Variants in AIG1 observed in about 807,000 individuals in gnomAD.
AIG1 encodes androgen induced 1, also known as androgen-induced gene 1 protein.
A neutral mutation model predicts 31.4 loss-of-function variants in AIG1; 23 were observed. The ratio of observed to expected loss-of-function variants is 0.73; its 90% confidence interval spans 0.53 to 1.04. The LOEUF is 1.04. Ranked by LOEUF, AIG1 falls within the 50% of genes least tolerant of loss-of-function variation. The probability of loss-of-function intolerance (pLI) is 0.00; values close to 1 mark genes in which losing one functional copy is unlikely to be tolerated. For synonymous variants in AIG1, 100 were observed against 110.5 expected, an observed-to-expected ratio of 0.90 and a Z score of 0.60; for missense variants, 274 against 295.0, an observed-to-expected ratio of 0.93 and a Z score of 0.52.
chr6:143,128,451 A>G (rs1782891013), intron 1 of AIG1, among the ~76,000 whole-genome samples: 1 of 152,132 alleles, frequency 6.6e-6, no homozygotes, highest in Admixed American at 6.5e-5. Context: ...TCTTGGAGAG[A>G]CATGATACAT....
chr6:143,115,649 T>C (rs1781671391), intron 1 of AIG1, among the ~76,000 whole-genome samples: 1 of 152,224 alleles, frequency 6.6e-6, no homozygotes, highest in Admixed American at 6.5e-5. Flanking sequence ...ATCATACGTA[T>C]ACTATAGGAC....
At position 143,335,028 on chromosome 6, in the gene AIG1, C is replaced by CT. The variant is rs774416947; in HGVS notation, c.679+1590dup. 12 of 1,355,772 alleles carry CT rather than the reference C, an allele frequency of 8.9e-6. No homozygotes were observed. In the South Asian group the frequency reaches 1.5e-4, roughly 16 times the overall value. 84.0% of individuals were successfully genotyped at this position (1,355,772 alleles called of 1,614,324 possible). A position where few individuals can be genotyped will look rare whatever the true frequency, so the allele number is the denominator to read the frequency against. Reference sequence around the variant, plus strand: ...TTTTAAGTAACATAAGATTGACTAACTTTTTTTAAAAATTCATTTTAGATA... The same window carrying CT: ...TTTTAAGTAACATAAGATTGACTAACTTTTTTTTAAAAATTCATTTTAGATA... On this transcript the variant is annotated intron_variant, in intron 5 of 5. Transcript: ENST00000357847.
intron 3 of AIG1, among the ~76,000 whole-genome samples, chr6:143,212,697 G>A (rs1416006167): frequency 6.6e-6 from 1 of 152,138 alleles, no homozygotes; most frequent in Non-Finnish European, 1.5e-5. Flanking sequence ...GAGGTAAAAC[G>A]TATGAGTGTA....
Position 143,104,987 on chromosome 6 carries a change from G to A in AIG1, c.142-31848G>A, listed in dbSNP as rs117346784. On this transcript the variant is annotated intron_variant, in intron 1 of 5. Transcript: ENST00000357847. The stretch of plus-strand genomic sequence containing the variant: ...GAATTGAACTCCAAAGGTGAGGCTT[G>A]TCTATGCTGGGCATAAAATGGCATA... Among the ~76,000 whole-genome samples the A allele has an allele frequency of 2.0e-5, 3 of 152,244 alleles. No individual in the cohort carries two copies. In the East Asian group the frequency reaches 5.8e-4, roughly 29 times the overall value.
In AIG1 at chr6:143,327,696, T is replaced by TAA. The variant is rs34603415; in HGVS notation, c.516-5573_516-5572dup. On this transcript the variant is annotated intron_variant, in intron 4 of 5. Transcript: ENST00000357847. The surrounding 1 kb of genome is among the most constrained non-coding windows in gnomAD (Gnocchi z 5.3). ...TACATCAAATAAAGTTATAAAATTG[T>TAA]AAAAAAAAAAAAAAGATAATGGATT... The TAA allele has an allele frequency of 8.1e-3, 1,218 of 149,920 alleles. 18 individuals carry two copies. Among genetic ancestry groups the TAA allele is most frequent in the African/African-American group, 0.028 (1,107 of 40,214 alleles). The allele number at this position is 149,920 out of a possible 1,614,324, so 9.3% of individuals were successfully genotyped here. A position where few individuals can be genotyped will look rare whatever the true frequency, so the allele number is the denominator to read the frequency against.
intron 3 of AIG1, among the ~76,000 whole-genome samples, chr6:143,243,820 C>T (rs1216660590): frequency 6.6e-6 from 1 of 152,176 alleles, no homozygotes; most frequent in Admixed American, 6.5e-5. Flanking sequence ...TTATCAAGCA[C>T]ACACCTCTAT....
At chr6:143,116,382 G>C (rs770494565) in intron 1 of AIG1, among the ~76,000 whole-genome samples, 1 of 152,076 alleles carries the variant, frequency 6.6e-6, no homozygotes, top group East Asian at 1.9e-4. Context: ...AATGAAAAGA[G>C]TTAAAATCCA....
chr6:143,285,621 G>A (rs897544137), intron 4 of AIG1, among the ~76,000 whole-genome samples: 1 of 151,762 alleles, frequency 6.6e-6, no homozygotes, highest in African/African-American at 2.4e-5. Flanking sequence ...CCGAGATCAC[G>A]CAACTGCACT....
chr6:143,181,832 G>A (rs17629067), intron 3 of AIG1, among the ~76,000 whole-genome samples: 14,191 of 151,942 alleles, frequency 0.093, 1,060 homozygotes, highest in East Asian at 0.36. Context: ...GATGTGAGAC[G>A]GCCATAGAAA....
In AIG1 at chr6:143,326,620, G is replaced by T. The variant is rs1776634313; in HGVS notation, c.516-6662G>T. 6.6e-6 allele frequency among the ~76,000 whole-genome samples: 1 copy of T among 152,158 alleles called. No homozygotes were observed. Reference sequence around the variant, plus strand: ...AAAAGAGCTTTAAAAATGAATGAGAGCCCTAGTTCTATAAGAACTTATAAA... The same window carrying T: ...AAAAGAGCTTTAAAAATGAATGAGATCCCTAGTTCTATAAGAACTTATAAA... On this transcript the variant is annotated intron_variant, in intron 4 of 5. Coordinates refer to ENST00000357847, the MANE Select transcript of AIG1 (RefSeq NM_016108.4). The surrounding 1 kb of genome is among the most constrained non-coding windows in gnomAD (Gnocchi z 4.5).
chr6:143,188,894 A>C (rs1789527946), intron 3 of AIG1: 1 of 985,166 alleles, frequency 1.0e-6, no homozygotes, highest in African/African-American at 1.7e-5. Flanking sequence ...TTTAAAGTGT[A>C]TTCAGTAAAA....
intron 1 of AIG1, among the ~76,000 whole-genome samples, chr6:143,078,104 T>A (rs1038621689): frequency 3.9e-5 from 6 of 152,252 alleles, no homozygotes; most frequent in Admixed American, 3.3e-4. Flanking sequence ...TATTGATCAA[T>A]CTTCAAATTC....
At chr6:143,119,162 A>G (rs538870301) in intron 1 of AIG1, among the ~76,000 whole-genome samples, 1 of 152,136 alleles carries the variant, frequency 6.6e-6, no homozygotes, top group Non-Finnish European at 1.5e-5. Context: ...CAAAGTACAT[A>G]GCGTGCTTAT....
At chr6:143,082,779 G>C (rs1778389437) in intron 1 of AIG1, among the ~76,000 whole-genome samples, 1 of 152,128 alleles carries the variant, frequency 6.6e-6, no homozygotes, top group East Asian at 1.9e-4. Flanking sequence ...CTTCGGACCT[G>C]TGTAAGGACT....
chr6:143,241,849 T>C (rs1794265599), intron 3 of AIG1, among the ~76,000 whole-genome samples: 2 of 152,216 alleles, frequency 1.3e-5, no homozygotes, highest in African/African-American at 4.8e-5. Context: ...AAACTTTGTT[T>C]TATGCACAAA....
rs1036171675 is a variant in AIG1, at chr6:143,223,879, A to G, written c.399+58696A>G. Among the ~76,000 whole-genome samples, 14 of 152,310 alleles carry G rather than the reference A, an allele frequency of 9.2e-5. No homozygotes were observed. In the East Asian group the frequency reaches 2.7e-3, roughly 29 times the overall value. On this transcript the variant is annotated intron_variant, in intron 3 of 5. Coordinates refer to ENST00000357847, the MANE Select transcript of AIG1 (RefSeq NM_016108.4). ...AAATTAAATTACTGGAAATCAGTCT[A>G]GTCACCAGCTTTAATTAAGAAATAG...
At chr6:143,110,012 G>A (rs73777873) in intron 1 of AIG1, among the ~76,000 whole-genome samples, 18,939 of 152,058 alleles carry the variant, frequency 0.12, 3,483 homozygotes, top group African/African-American at 0.41. Flanking sequence ...TTTGCCTTTC[G>A]CATTTCTGGT....
chr6:143,322,543 C>T (rs1275066858), intron 4 of AIG1, among the ~76,000 whole-genome samples: 1 of 152,146 alleles, frequency 6.6e-6, no homozygotes, highest in Non-Finnish European at 1.5e-5. Context: ...TCCAGTTAAG[C>T]AAAACAGGTC....
chr6:143,245,122 T>C (rs13437539), intron 3 of AIG1, among the ~76,000 whole-genome samples: 8,396 of 152,304 alleles, frequency 0.055, 579 homozygotes, highest in African/African-American at 0.16. Context: ...AAGGGTTTAT[T>C]CAGTAAAACA....
Sources: gnomAD v4.1 joint callset for allele counts (sites outside exome capture counted in the v4.1 genomes callset) on GRCh38, gnomAD v4.1.1 for gene constraint, Gnocchi (gnomAD v3.1) non-coding constraint, MANE v1.5 for transcripts, NCBI Gene and HGNC (gene_info 2026-07-23, HGNC 2026-07-21) for gene names.